The following RNF123 variants were observed in gnomAD, a reference collection of about 807,000 sequenced individuals.
The protein encoded by RNF123 is ring finger protein 123.
A neutral mutation model predicts 168.5 loss-of-function variants in RNF123; 86 were observed. The observed-to-expected ratio is 0.51, with a 90% CI of 0.43 to 0.61. RNF123 has a LOEUF of 0.61. RNF123 is among the 20% of genes least tolerant of loss of function. The pLI is 0.00. For missense variants in RNF123, 1,419 were observed against 1,729.7 expected, an observed-to-expected ratio of 0.82 and a Z score of 3.19; for synonymous variants, 666 against 689.1, an observed-to-expected ratio of 0.97 and a Z score of 0.52.
rs2054153374 is a variant in RNF123, at chr3:49,691,137, G to C, written c.-29G>C. 1 of 1,609,488 alleles carries C rather than the reference G, an allele frequency of 6.2e-7. No homozygotes were observed. The highest frequency in any genetic ancestry group is 1.1e-5 in the South Asian group (1 of 90,870). ...GCTCTGTGTCTGGCTCAGCCCCCAG[G>C]ACCACTGGCTGCCCATGAGAGATGA... On this transcript the variant is annotated 5_prime_UTR_variant, in exon 2 of 39. Transcript: ENST00000327697.
chr3:49,720,103 G>A (rs1439932404), intron 35 of RNF123: 1 of 159,676 alleles, frequency 6.3e-6, no homozygotes, highest in Non-Finnish European at 1.4e-5. Flanking sequence ...ATCACCTGAG[G>A]TCAGGAATTC....
rs376679342 is a variant in RNF123, at chr3:49,706,049, G to A, written c.2372G>A (p.Arg791His). The A allele has an allele frequency of 2.3e-4, 374 of 1,614,138 alleles. 1 individual carries two copies. Among genetic ancestry groups the A allele is most frequent in the East Asian group, 7.8e-4 (35 of 44,890 alleles). Residue 791 changes from arginine to histidine, a missense_variant, in exon 25 of 39, where the codon CGC (arginine) becomes CAC (histidine). Physicochemically the swap from Arg to His is conservative, Grantham distance 29. Coordinates refer to ENST00000327697, the MANE Select transcript of RNF123 (RefSeq NM_022064.5). ...CTGAGGGACACAGAGGACAAGCTCC[G>A]CCGGTGCCCCAAGAGGGTAAGGCCC... ...MALRDTEDKL[R>H]RCPKRRKDIL...
chr3:49,694,225 A>G (rs988640678), intron 3 of RNF123, among the ~76,000 whole-genome samples: 5 of 152,238 alleles, frequency 3.3e-5, no homozygotes, highest in African/African-American at 1.2e-4. Context: ...TTAATATACA[A>G]TAAACTACAC....
intron 35 of RNF123, chr3:49,718,401 A>C (rs1325583445): frequency 1.2e-6 from 2 of 1,613,026 alleles, no homozygotes; most frequent in Non-Finnish European, 1.7e-6. Flanking sequence ...GGCGGGGCCC[A>C]GTGGCCAGGC....
chr3:49,697,560 G>A, intron 5 of RNF123, 103 bp downstream of exon 5: 1 of 960,252 alleles, frequency 1.0e-6, no homozygotes, highest in Non-Finnish European at 1.5e-6. Flanking sequence ...TGATGGGGCT[G>A]CAGCCAAAAC....
chr3:49,698,209 C>T, intron 7 of RNF123, 72 bp downstream of exon 7: 1 of 1,380,680 alleles, frequency 7.2e-7, no homozygotes, highest in Non-Finnish European at 1.0e-6. Context: ...CATCAGGTCT[C>T]CAGATCCCCT....
At chr3:49,710,826 GATTAT>G in intron 26 of RNF123, among the ~76,000 whole-genome samples, 1 of 152,194 alleles carries the variant, frequency 6.6e-6, no homozygotes, top group East Asian at 1.9e-4. Flanking sequence ...GGGAGGGAGG[GATTAT>G]AGTCTGTTAC....
Position 49,701,916 on chromosome 3 carries a change from C to T in RNF123, c.1495+6C>T, listed in dbSNP as rs1267187121. ...GCTCAGGAAGCGCATCGAAGGTCAG[C>T]CCGCCTTGGGCACGGGGTAGGGTGG... On this transcript the variant is annotated splice_donor_region_variant and intron_variant, in intron 17 of 38. Coordinates refer to ENST00000327697, the MANE Select transcript of RNF123 (RefSeq NM_022064.5). 1.3e-6 allele frequency: 2 copies of T among 1,559,404 alleles called. No homozygotes were observed. Among genetic ancestry groups the T allele is most frequent in the Non-Finnish European group, 1.7e-6 (2 of 1,151,226 alleles).
intron 2 of RNF123, 54 bp downstream of exon 2, chr3:49,691,301 G>A (rs2054159720): frequency 8.1e-6 from 13 of 1,597,154 alleles, no homozygotes; most frequent in Middle Eastern, 1.7e-4. Flanking sequence ...GAGAAGGAAG[G>A]GACAAAGGCC....
chr3:49,718,170 CTG>C (rs768205240), intron 35 of RNF123: 6 of 1,613,162 alleles, frequency 3.7e-6, no homozygotes, highest in East Asian at 2.2e-5. Flanking sequence ...GTACTGAGGA[CTG>C]TGCGCTCAGC....
At position 49,702,621 on chromosome 3, in the gene RNF123, T is replaced by C. The variant is rs1423735320; in HGVS notation, c.1630-12T>C. 6.2e-7 allele frequency: 1 copy of C among 1,614,236 alleles called. No homozygotes were observed. On this transcript the variant is annotated splice_polypyrimidine_tract_variant and intron_variant, in intron 19 of 38. Coordinates refer to ENST00000327697, the MANE Select transcript of RNF123 (RefSeq NM_022064.5). The stretch of plus-strand genomic sequence containing the variant: ...CTGGCACCAATGCATGTTTCATGCC[T>C]GGTGTCCACAGAACATGCCCATGCT...
chr3:49,706,821 A>G lies in RNF123; in HGVS notation c.2419A>G (p.Ser807Gly). 1 of 1,614,184 alleles carries G rather than the reference A, an allele frequency of 6.2e-7. No individual in the cohort carries two copies. Among genetic ancestry groups the G allele is most frequent in the Non-Finnish European group, 8.5e-7 (1 of 1,180,018 alleles). The change falls in exon 26 of 39, where the codon AGC (serine) becomes GGC (glycine). Residue 807 changes from serine (S) to glycine (G), a missense_variant. Physicochemically the swap from Ser to Gly is moderately conservative, Grantham distance 56. This residue lies in a region of RNF123 where 538 missense variants were observed against 708.8 expected (regional missense o/e 0.76). Coordinates refer to ENST00000327697, the MANE Select transcript of RNF123 (RefSeq NM_022064.5). ...RKDILAELTK[S>G]QKVFSEKLDH... is the part of the protein sequence containing the mutation. Reference sequence around the variant, plus strand: ...GGACATCCTTGCAGAGTTGACCAAGAGCCAGAAGGTTTTCTCAGAAAAGCT... The same window carrying G: ...GGACATCCTTGCAGAGTTGACCAAGGGCCAGAAGGTTTTCTCAGAAAAGCT...
chr3:49,713,892 C>T lies in RNF123; in HGVS notation c.2838-18C>T. ...CATGCCCAGCCTCACCCCGTCTCTC[C>T]CCTCCTTGCCCTCACAGGCGTATCG... is the stretch of plus-strand genomic sequence containing the variant. On this transcript the variant is annotated intron_variant, in intron 29 of 38. Coordinates refer to ENST00000327697, the MANE Select transcript of RNF123 (RefSeq NM_022064.5). The T allele has an allele frequency of 3.1e-6, 5 of 1,613,384 alleles. No homozygotes were observed. The highest frequency in any genetic ancestry group is 4.2e-6 in the Non-Finnish European group (5 of 1,179,618).
At chr3:49,705,955 C>T in intron 24 of RNF123, 27 bp from the exon 25 acceptor site, 1 of 1,609,568 alleles carries the variant, frequency 6.2e-7, no homozygotes, top group Non-Finnish European at 8.5e-7. Context: ...AAGGGGCACT[C>T]TGGACATGTG....
At chr3:49,690,548 A>T (rs2054130070) in intron 1 of RNF123, among the ~76,000 whole-genome samples, 1 of 152,212 alleles carries the variant, frequency 6.6e-6, no homozygotes, top group Admixed American at 6.5e-5. Flanking sequence ...TGGTGCTTGG[A>T]TGAGGTGGGA....
intron 26 of RNF123, among the ~76,000 whole-genome samples, chr3:49,707,189 C>T (rs1175969456): frequency 6.6e-6 from 1 of 151,958 alleles, no homozygotes. Flanking sequence ...GTTTCTTGGC[C>T]CCCGTCCTTC....
intron 31 of RNF123, among the ~76,000 whole-genome samples, chr3:49,714,662 G>A (rs1214674104): frequency 1.3e-5 from 2 of 152,248 alleles, no homozygotes; most frequent in Non-Finnish European, 2.9e-5. Context: ...GGTCCCCAGA[G>A]GGTATTCACG....
intron 13 of RNF123, 59 bp from the exon 14 acceptor site, chr3:49,700,413 T>TAC (rs753217155): frequency 1.2e-5 from 19 of 1,612,204 alleles, no homozygotes; most frequent in Non-Finnish European, 1.5e-5. Context: ...GTCGGGAAGA[T>TAC]ACGGGGAGAA....
intron 17 of RNF123, 67 bp downstream of exon 17, chr3:49,701,977 GC>G (rs1294506591): frequency 1.3e-6 from 2 of 1,548,582 alleles, no homozygotes; most frequent in African/African-American, 1.4e-5. Context: ...GCTTGGAGGT[GC>G]CCATGTCTAG....
Sources: allele counts gnomAD v4.1 joint callset (sites outside exome capture counted in the v4.1 genomes callset), GRCh38; gene constraint gnomAD v4.1.1; regional missense constraint gnomAD v4.1.1; transcripts MANE v1.5; gene names NCBI Gene and HGNC (gene_info 2026-07-23, HGNC 2026-07-21).